The following ERCC8 variants were observed in gnomAD, a reference collection of about 807,000 sequenced individuals.
ERCC8 encodes the protein ERCC excision repair 8, CSA ubiquitin ligase complex subunit.
Under a neutral mutation model 54.9 loss-of-function variants are expected in ERCC8, and 52 were observed. The observed-to-expected ratio is 0.95, with a 90% CI of 0.76 to 1.19. The LOEUF is 1.19. Among genes scored for constraint, ERCC8 ranks in the 50% most tolerant of loss-of-function variants. ERCC8 has a pLI of 0.00. For missense variants in ERCC8, 514 were observed against 466.1 expected (o/e 1.10, Z -0.95); for synonymous variants, 146 against 157.2 (o/e 0.93, Z 0.53).
Position 60,868,743 on chromosome 5 carries a change from C to T in ERCC8, c.*5872G>A, listed in dbSNP as rs912198554. ...TAGGTAGCACATTAAGAACTACACACATATTCTTTGCAAAGAAGAAAAAAT... is the reference window on the plus strand; with the variant it reads ...TAGGTAGCACATTAAGAACTACACATATATTCTTTGCAAAGAAGAAAAAAT... On this transcript the variant is annotated 3_prime_UTR_variant, in exon 12 of 12. Coordinates refer to ENST00000676185, the MANE Select transcript of ERCC8 (RefSeq NM_000082.4). Among the ~76,000 whole-genome samples, 19 of 152,178 alleles carry T rather than the reference C, an allele frequency of 1.2e-4. No individual in the cohort carries two copies. Among genetic ancestry groups the T allele is most frequent in the African/African-American group, 4.3e-4 (18 of 41,450 alleles).
At chr5:60,912,945 C>T (rs1026565096) in intron 4 of ERCC8, among the ~76,000 whole-genome samples, 3 of 152,130 alleles carry the variant, frequency 2.0e-5, no homozygotes, top group African/African-American at 4.8e-5. Context: ...ATGAAGCCCA[C>T]TTGATCATGG....
intron 2 of ERCC8, among the ~76,000 whole-genome samples, chr5:60,925,938 C>T (rs1400520723): frequency 1.3e-5 from 2 of 152,154 alleles, no homozygotes. Context: ...ATTCTCCTGC[C>T]TCAGCCTCCA....
chr5:60,914,657 G>A (rs1173935540), intron 4 of ERCC8, among the ~76,000 whole-genome samples: 1 of 151,720 alleles, frequency 6.6e-6, no homozygotes, highest in Non-Finnish European at 1.5e-5. Flanking sequence ...GGAGATGGTG[G>A]TGCACACCTG....
In ERCC8 at chr5:60,872,901, T is replaced by C. The variant is rs1411537254; in HGVS notation, c.*1714A>G. On this transcript the variant is annotated 3_prime_UTR_variant, in exon 12 of 12. Transcript: ENST00000676185. ...AGCATTATTCACAATAGCCAGGATA[T>C]GGTATCAACCTAAGCATCTGTCAAT... Among the ~76,000 whole-genome samples the C allele has an allele frequency of 2.6e-5, 4 of 152,188 alleles. No homozygotes were observed. The highest frequency in any genetic ancestry group is 9.7e-5 in the African/African-American group (4 of 41,446).
intron 4 of ERCC8, among the ~76,000 whole-genome samples, chr5:60,907,053 T>A (rs1437846518): frequency 6.6e-6 from 1 of 152,228 alleles, no homozygotes; most frequent in African/African-American, 2.4e-5. Flanking sequence ...TAAAAAATCT[T>A]ATAATTAGGG....
At chr5:60,921,471 T>TAAA (rs1343930460) in intron 3 of ERCC8, among the ~76,000 whole-genome samples, 1 of 151,776 alleles carries the variant, frequency 6.6e-6, no homozygotes, top group Non-Finnish European at 1.5e-5. Context: ...ATTAGAGACT[T>TAAA]AAAAAAAATT....
At chr5:60,898,512 T>G in intron 8 of ERCC8, 112 bp from the exon 9 acceptor site, 1 of 1,199,430 alleles carries the variant, frequency 8.3e-7, no homozygotes, top group South Asian at 1.3e-5. Context: ...ACTTAAAAAA[T>G]GTAAGTAGAT....
Position 60,922,141 on chromosome 5 carries a change from C to T in ERCC8, c.188G>A (p.Gly63Asp). Residue 63 changes from glycine to aspartate, a missense_variant, in exon 3 of 12, where the codon GGT becomes GAT. By Grantham distance (94) the Gly-to-Asp change is moderately conservative. Coordinates refer to ENST00000676185, the MANE Select transcript of ERCC8 (RefSeq NM_000082.4). ...ATAAAGTACAATCACACCATCTGAA[C>T]CACCTGATAACATGCTGATAATAAA... ...PVEGRYMLSG[G>D]SDGVIVLYDL... 9 of 1,603,436 alleles carry T rather than the reference C, an allele frequency of 5.6e-6. No individual in the cohort carries two copies. The highest frequency in any genetic ancestry group is 7.7e-6 in the Non-Finnish European group (9 of 1,171,472).
intron 9 of ERCC8, chr5:60,892,176 C>T (rs560001469): frequency 3.8e-6 from 2 of 522,686 alleles, no homozygotes; most frequent in Non-Finnish European, 3.8e-6. Flanking sequence ...TTGAGTTTAG[C>T]CCACCCCATC....
intron 11 of ERCC8, among the ~76,000 whole-genome samples, chr5:60,886,441 C>T (rs1055831080): frequency 5.3e-5 from 8 of 152,082 alleles, no homozygotes; most frequent in African/African-American, 9.7e-5. Context: ...GTGGCTCATG[C>T]GTGTAATCCC....
At chr5:60,896,399 A>G (rs1748726826) in intron 9 of ERCC8, among the ~76,000 whole-genome samples, 1 of 152,060 alleles carries the variant, frequency 6.6e-6, no homozygotes, top group African/African-American at 2.4e-5. Context: ...TTTAGTAGAG[A>G]CGGGGTTTCA....
chr5:60,892,780 T>C (rs764862119), intron 9 of ERCC8: 71 of 688,750 alleles, frequency 1.0e-4, no homozygotes, highest in Non-Finnish European at 1.7e-4. Flanking sequence ...CGGATGAACT[T>C]GTCCAGGTAG....
At chr5:60,893,243 G>A in intron 9 of ERCC8, 1 of 1,008,374 alleles carries the variant, frequency 9.9e-7, no homozygotes, top group South Asian at 1.3e-5. Flanking sequence ...AGCCTTCATA[G>A]TGGCCTCGTC....
rs1268422380 is a variant in ERCC8 at position 60,873,024 on chromosome 5, G to A, written c.*1591C>T. Among the ~76,000 whole-genome samples the A allele has an allele frequency of 2.0e-5, 3 of 152,188 alleles. No individual in the cohort carries two copies. Among genetic ancestry groups the A allele is most frequent in the Non-Finnish European group, 4.4e-5 (3 of 68,030 alleles). On this transcript the variant is annotated 3_prime_UTR_variant, in exon 12 of 12. Transcript: ENST00000676185. ...TGGTTACCAGGAGCTAGGGTTGTTG[G>A]AGAAACATTGGTCAAAGGATACAAA...
At chr5:60,907,347 A>T (rs993725294) in intron 4 of ERCC8, 1 of 144,940 alleles carries the variant, frequency 6.9e-6, no homozygotes, top group Non-Finnish European at 1.5e-5. Flanking sequence ...TATCATAGAA[A>T]CATGATTCTT....
chr5:60,893,821 C>T (rs557066449), intron 9 of ERCC8, among the ~76,000 whole-genome samples: 4 of 152,126 alleles, frequency 2.6e-5, no homozygotes, highest in Non-Finnish European at 4.4e-5. Context: ...AATTTACCAT[C>T]ATAACCATTT....
chr5:60,899,520 T>A, intron 8 of ERCC8, 107 bp downstream of exon 8: 1 of 788,642 alleles, frequency 1.3e-6, no homozygotes. Context: ...TGAAAAATCA[T>A]AAAGTTTGCA....
chr5:60,880,847 A>G (rs1748192607), intron 11 of ERCC8, among the ~76,000 whole-genome samples: 1 of 152,036 alleles, frequency 6.6e-6, no homozygotes, highest in Non-Finnish European at 1.5e-5. Flanking sequence ...GATCGTCTGA[A>G]GCCCTTTTTT....
chr5:60,938,040 CATACATACATATATATATAT>C (rs1290077329), intron 1 of ERCC8, among the ~76,000 whole-genome samples: 3,055 of 32,298 alleles, frequency 0.095, 264 homozygotes, highest in African/African-American at 0.15. Context: ...TACATACATA[CATACATACATATATATATAT>C]ATATATATAT....
Sources: gnomAD v4.1 joint callset for allele counts (sites outside exome capture counted in the v4.1 genomes callset) on GRCh38, gnomAD v4.1.1 for gene constraint, MANE v1.5 for transcripts, NCBI Gene and HGNC (gene_info 2026-07-23, HGNC 2026-07-21) for gene names.